KRIT1: variants seen among roughly 807,000 people sequenced by gnomAD.
The protein encoded by KRIT1 is KRIT1 ankyrin repeat containing.
A neutral mutation model predicts 95.8 loss-of-function variants in KRIT1; 45 were observed. That is an observed-to-expected ratio of 0.47 (90% confidence interval 0.37 to 0.60). KRIT1 has a LOEUF of 0.60. Ranked by LOEUF, KRIT1 falls within the 20% of genes least tolerant of loss-of-function variation. The pLI, the probability that KRIT1 is intolerant of heterozygous loss-of-function variation, is 0.00. For synonymous variants in KRIT1, 282 were observed against 278.8 expected (o/e 1.01, Z -0.11); for missense variants, 788 against 877.5 (o/e 0.90, Z 1.29).
chr7:92,245,231 A>T (rs1340901789), intron 1 of KRIT1, 60 bp from the exon 2 acceptor site: 1 of 152,122 alleles, frequency 6.6e-6, no homozygotes, highest in Non-Finnish European at 1.5e-5. Context: ...GAAGTGAGTT[A>T]GAATGACAAG....
intron 10 of KRIT1, among the ~76,000 whole-genome samples, chr7:92,231,419 C>T (rs1797254847): frequency 6.6e-6 from 1 of 152,076 alleles, no homozygotes; most frequent in Non-Finnish European, 1.5e-5. Flanking sequence ...TCCACATAAA[C>T]AAAAACTCTT....
chr7:92,214,187 C>T (rs1793461247), intron 15 of KRIT1, among the ~76,000 whole-genome samples: 1 of 151,994 alleles, frequency 6.6e-6, no homozygotes, highest in Non-Finnish European at 1.5e-5. Flanking sequence ...CTTTCAATAA[C>T]CAGAAAATAT....
intron 14 of KRIT1, among the ~76,000 whole-genome samples, chr7:92,218,078 G>A (rs1344350362): frequency 6.6e-6 from 1 of 151,872 alleles, no homozygotes; most frequent in Non-Finnish European, 1.5e-5. Context: ...TTACAGACAG[G>A]GTCTTGCTCT....
intron 10 of KRIT1, among the ~76,000 whole-genome samples, chr7:92,229,912 A>T (rs1278281163): frequency 1.3e-5 from 2 of 152,196 alleles, no homozygotes; most frequent in Non-Finnish European, 2.9e-5. Context: ...GCAAAGGCTT[A>T]GAGTATCTAT....
At chr7:92,229,260 A>G (rs537294051) in intron 10 of KRIT1, among the ~76,000 whole-genome samples, 2 of 152,264 alleles carry the variant, frequency 1.3e-5, no homozygotes, top group East Asian at 3.9e-4. Flanking sequence ...TGTTATTTTT[A>G]TGACTTTTTA....
At position 92,216,361 on chromosome 7, in the gene KRIT1, A is replaced by T. The variant is rs187237241; in HGVS notation, c.1564-1584T>A. On this transcript the variant is annotated intron_variant, in intron 14 of 18. Transcript: ENST00000394505. The stretch of plus-strand genomic sequence containing the variant: ...TTAAAATACTCTATTATTAAATATT[A>T]AAAAAAAAATTTCATGGGGAAAAAA... Among the ~76,000 whole-genome samples the T allele has an allele frequency of 3.2e-3, 475 of 148,562 alleles. 2 individuals are homozygous for T. Among genetic ancestry groups the T allele is most frequent in the East Asian group, 0.022 (107 of 4,872 alleles).
At chr7:92,207,364 A>G (rs1308683966) in intron 17 of KRIT1, among the ~76,000 whole-genome samples, 3 of 148,376 alleles carry the variant, frequency 2.0e-5, no homozygotes, top group Non-Finnish European at 4.4e-5. Flanking sequence ...TTAAAATGCT[A>G]AAAGTTAAAG....
chr7:92,200,598 TG>T lies in KRIT1; in HGVS notation c.*137del, dbSNP rs543954194. 2.6e-3 allele frequency: 1,814 copies of T among 690,738 alleles called. 17 individuals carry two copies. The highest frequency in any genetic ancestry group is 9.6e-3 in the South Asian group (630 of 65,894). 42.8% of individuals were successfully genotyped at this position (690,738 alleles called of 1,614,324 possible). On this transcript the variant is annotated 3_prime_UTR_variant, in exon 19 of 19. Coordinates refer to ENST00000394505, the MANE Select transcript of KRIT1 (RefSeq NM_194454.3). ...GAACTCTGACTTCAGGTGATCCGCC[TG>T]CCCCAGCCTCCCAAAGTGCTGGAAT...
chr7:92,244,198 T>C (rs1341095235), intron 2 of KRIT1, 49 bp from the exon 3 acceptor site: 1 of 152,208 alleles, frequency 6.6e-6, no homozygotes, highest in African/African-American at 2.4e-5. Context: ...CACTGTATGA[T>C]ATATGGGCAC....
intron 1 of KRIT1, 42 bp from the exon 2 acceptor site, chr7:92,245,213 C>A (rs975707): frequency 6.6e-6 from 1 of 151,428 alleles, no homozygotes; most frequent in African/African-American, 2.4e-5. Context: ...AAGTGAGTTA[C>A]AGGGGGAGAA....
chr7:92,222,141 T>C (rs1795266662), intron 13 of KRIT1, 88 bp from the exon 14 acceptor site: 2 of 972,402 alleles, frequency 2.1e-6, no homozygotes, highest in Admixed American at 3.5e-5. Flanking sequence ...TGTCTGCACT[T>C]CTGTACTGAA....
chr7:92,236,184 G>C (rs186288529), intron 7 of KRIT1: 3 of 422,734 alleles, frequency 7.1e-6, no homozygotes, highest in East Asian at 9.3e-5. Flanking sequence ...CTTAAGCCAG[G>C]GCAGTGTTTA....
At chr7:92,236,154 A>T (rs1437972631) in intron 7 of KRIT1, 1 of 365,362 alleles carries the variant, frequency 2.7e-6, no homozygotes, top group African/African-American at 2.1e-5. Context: ...GTATAGTTTC[A>T]TAACAGGTAA....
At chr7:92,204,607 T>G (rs1199112270) in intron 17 of KRIT1, among the ~76,000 whole-genome samples, 1 of 151,874 alleles carries the variant, frequency 6.6e-6, no homozygotes, top group East Asian at 1.9e-4. Context: ...CATTACATTC[T>G]CATAAGGGGC....
chr7:92,206,013 C>T (rs1053059264), intron 17 of KRIT1: 3 of 152,676 alleles, frequency 2.0e-5, no homozygotes, highest in Admixed American at 2.0e-4. Flanking sequence ...GCCACCAGCA[C>T]CTGCAAACTC....
intron 17 of KRIT1, 91 bp from the exon 18 acceptor site, chr7:92,201,514 A>G (rs902976617): frequency 2.6e-5 from 20 of 768,004 alleles, no homozygotes; most frequent in African/African-American, 1.4e-4. Context: ...TGTCTGCTCT[A>G]AATATAATAG....
intron 17 of KRIT1, among the ~76,000 whole-genome samples, chr7:92,202,040 TA>T (rs1203119024): frequency 6.6e-6 from 1 of 152,218 alleles, no homozygotes; most frequent in Admixed American, 6.5e-5. Context: ...TTCTGCAGGT[TA>T]AAAGCTATCT....
At chr7:92,204,982 G>A (rs1264156336) in intron 17 of KRIT1, among the ~76,000 whole-genome samples, 1 of 152,136 alleles carries the variant, frequency 6.6e-6, no homozygotes, top group African/African-American at 2.4e-5. Flanking sequence ...AGATAACCCT[G>A]AAAATTAATA....
In KRIT1 at chr7:92,200,439, C is replaced by G. The variant is rs956933128; in HGVS notation, c.*297G>C. 38 of 373,300 alleles carry G rather than the reference C, an allele frequency of 1.0e-4. No homozygotes were observed. Among genetic ancestry groups the G allele is most frequent in the Non-Finnish European group, 1.8e-4 (36 of 195,766 alleles). 23.1% of individuals were successfully genotyped at this position (373,300 alleles called of 1,614,324 possible). A position where few individuals can be genotyped will look rare whatever the true frequency, so the allele number is the denominator to read the frequency against. ...GTGCAATCTTGGCTCACTACAACCT[C>G]CACCTCCTGGGTTTAAGCGATCTCC... On this transcript the variant is annotated 3_prime_UTR_variant, in exon 19 of 19. Transcript: ENST00000394505.
Sources: allele counts gnomAD v4.1 joint callset (sites outside exome capture counted in the v4.1 genomes callset), GRCh38; gene constraint gnomAD v4.1.1; transcripts MANE v1.5; gene names NCBI Gene and HGNC (gene_info 2026-07-23, HGNC 2026-07-21).